Variants in CERS3 observed in about 807,000 individuals in gnomAD.
CERS3 encodes LAG1 homolog, ceramide synthase 3.
Under a neutral mutation model 50.3 loss-of-function variants are expected in CERS3, and 33 were observed. The observed-to-expected ratio is 0.66, with a 90% CI of 0.50 to 0.88. The LOEUF (loss-of-function observed/expected upper bound fraction) is 0.88. CERS3 is among the 40% of genes least tolerant of loss of function. The pLI, the probability that CERS3 is intolerant of heterozygous loss-of-function variation, is 0.00. For missense variants in CERS3, 470 were observed against 460.3 expected (o/e 1.02, Z -0.19); for synonymous variants, 176 against 155.2 (o/e 1.13, Z -0.99).
intron 5 of CERS3, among the ~76,000 whole-genome samples, chr15:100,480,849 G>A (rs2035277304): frequency 6.6e-6 from 1 of 152,110 alleles, no homozygotes; most frequent in Non-Finnish European, 1.5e-5. Context: ...ACCTATCTGT[G>A]GTAGGCGAGA....
At chr15:100,523,215 C>T (rs1433842102) in intron 1 of CERS3, among the ~76,000 whole-genome samples, 1 of 152,138 alleles carries the variant, frequency 6.6e-6, no homozygotes, top group Non-Finnish European at 1.5e-5. Flanking sequence ...TTGGATAGGA[C>T]TCCTTGTTTG....
chr15:100,489,634 T>C (rs540758255), intron 4 of CERS3, among the ~76,000 whole-genome samples: 1 of 152,310 alleles, frequency 6.6e-6, no homozygotes, highest in African/African-American at 2.4e-5. Context: ...TATCTTTTTT[T>C]AAACACAGCT....
intron 1 of CERS3, chr15:100,544,109 C>G (rs1228617168): frequency 6.6e-6 from 1 of 152,430 alleles, no homozygotes; most frequent in East Asian, 1.9e-4. Context: ...GAACCTGGGC[C>G]AGATCCCTGT....
At position 100,467,878 on chromosome 15, in the gene CERS3, G is replaced by T. The variant is rs369919240; in HGVS notation, c.845+1500C>A. ...AGATAGATAGATAGATAGATAGATA[G>T]ATATAGATATAGATATAGATATATT... is the stretch of plus-strand genomic sequence containing the variant. On this transcript the variant is annotated intron_variant, in intron 10 of 11. Coordinates refer to ENST00000679737, the MANE Select transcript of CERS3 (RefSeq NM_001378789.1). 2.1e-4 allele frequency among the ~76,000 whole-genome samples: 8 copies of T among 38,836 alleles called. 2 individuals are homozygous for T. Among genetic ancestry groups the T allele is most frequent in the Non-Finnish European group, 5.3e-4 (7 of 13,240 alleles). The allele number at this position is 38,836 out of a possible 152,430, so 25.5% of individuals were successfully genotyped here. A position where few individuals can be genotyped will look rare whatever the true frequency, so the allele number is the denominator to read the frequency against.
intron 3 of CERS3, among the ~76,000 whole-genome samples, chr15:100,501,199 C>A (rs1375805230): frequency 6.6e-6 from 1 of 152,112 alleles, no homozygotes; most frequent in Admixed American, 6.5e-5. Context: ...TTTAAATAAA[C>A]CTTTAAAATA....
intron 3 of CERS3, chr15:100,500,540 A>T (rs1230211317): frequency 3.3e-5 from 5 of 152,252 alleles, no homozygotes; most frequent in Admixed American, 6.5e-5. Flanking sequence ...TGGATGCCAA[A>T]TTCAAAGATC....
rs905304166 is a variant in CERS3, at chr15:100,510,520, T to C, written c.-1-8670A>G. Among the ~76,000 whole-genome samples, 3 of 152,184 alleles carry C rather than the reference T, an allele frequency of 2.0e-5. No individual in the cohort carries two copies. The South Asian group carries it at 6.2e-4, about 32-fold the overall frequency. ...TAAGTGATATCAGGATGCTCCCAAGTATCCATTTATTCTTTTTAGTTACAC... is the reference window on the plus strand; with the variant it reads ...TAAGTGATATCAGGATGCTCCCAAGCATCCATTTATTCTTTTTAGTTACAC... On this transcript the variant is annotated intron_variant, in intron 2 of 11. Transcript: ENST00000679737.
intron 11 of CERS3, among the ~76,000 whole-genome samples, chr15:100,411,516 T>C (rs1327245608): frequency 6.6e-6 from 1 of 152,180 alleles, no homozygotes; most frequent in East Asian, 1.9e-4. Flanking sequence ...ATATATCACA[T>C]ATTGTTTATC....
At chr15:100,507,247 TGAA>T (rs1281246712) in intron 2 of CERS3, among the ~76,000 whole-genome samples, 1 of 152,204 alleles carries the variant, frequency 6.6e-6, no homozygotes, top group African/African-American at 2.4e-5. Flanking sequence ...TGAACTCTCC[TGAA>T]GAAGTGTCTC....
chr15:100,507,984 A>G (rs1206974769), intron 2 of CERS3, among the ~76,000 whole-genome samples: 1 of 152,182 alleles, frequency 6.6e-6, no homozygotes, highest in Non-Finnish European at 1.5e-5. Flanking sequence ...ATTTTATTTA[A>G]GGTACTAAGA....
chr15:100,483,623 G>A (rs567697901), intron 5 of CERS3, among the ~76,000 whole-genome samples: 14 of 151,812 alleles, frequency 9.2e-5, no homozygotes, highest in African/African-American at 2.2e-4. Flanking sequence ...AAATAGTATC[G>A]GAATAGGAGT....
At chr15:100,537,322 G>A (rs1045457446) in intron 1 of CERS3, among the ~76,000 whole-genome samples, 2 of 152,236 alleles carry the variant, frequency 1.3e-5, no homozygotes, top group East Asian at 1.9e-4. Flanking sequence ...GTTCCAGAGG[G>A]CATTAGAGAA....
intron 2 of CERS3, among the ~76,000 whole-genome samples, chr15:100,517,237 A>G (rs1295400249): frequency 6.6e-6 from 1 of 152,246 alleles, no homozygotes; most frequent in African/African-American, 2.4e-5. Flanking sequence ...ACCTAATGTA[A>G]TGCCTGGCAC....
intron 1 of CERS3, chr15:100,544,437 TCACGGGCCCTCTCTCGGCCTAGGTCTGC>T (rs2037301905): frequency 9.9e-6 from 1 of 101,458 alleles, no homozygotes; most frequent in African/African-American, 4.1e-5. Context: ...CTGCGCGGGG[TCACGGGCCCTCTCTCGGCCTAGGTCTGC>T]GCGGGGACAC....
chr15:100,465,747 T>C (rs7165965), intron 10 of CERS3, among the ~76,000 whole-genome samples: 76,211 of 151,266 alleles, frequency 0.5, 19,728 homozygotes, highest in Middle Eastern at 0.57. Flanking sequence ...CAACCTCCAC[T>C]TCCCAGTTTC....
chr15:100,532,712 T>C (rs1488278573), upstream of CERS3, among the ~76,000 whole-genome samples: 1 of 152,134 alleles, frequency 6.6e-6, no homozygotes, highest in Non-Finnish European at 1.5e-5. Flanking sequence ...TGAGCTGTAA[T>C]CGGCCCAATA....
chr15:100,409,003 AC>A (rs1444589215), intron 11 of CERS3, among the ~76,000 whole-genome samples: 7 of 152,180 alleles, frequency 4.6e-5, no homozygotes, highest in African/African-American at 1.7e-4. Context: ...AAGCTTACAC[AC>A]CTTGAACAGC....
At chr15:100,472,810 T>G in intron 9 of CERS3, 114 bp downstream of exon 9, 1 of 1,167,488 alleles carries the variant, frequency 8.6e-7, no homozygotes, top group Non-Finnish European at 1.3e-6. Flanking sequence ...TTCTCAGAAT[T>G]TGGGTGTTTT....
intron 4 of CERS3, 60 bp downstream of exon 4, chr15:100,490,757 G>T: frequency 1.0e-6 from 1 of 1,003,848 alleles, no homozygotes; most frequent in Non-Finnish European, 1.6e-6. Context: ...GTAAGCTATA[G>T]ATAATTGAAC....
Sources: allele counts gnomAD v4.1 joint callset (sites outside exome capture counted in the v4.1 genomes callset), GRCh38; gene constraint gnomAD v4.1.1; transcripts MANE v1.5; gene names NCBI Gene and HGNC (gene_info 2026-07-23, HGNC 2026-07-21).